EPRS1: variants seen among roughly 807,000 people sequenced by gnomAD.
The protein encoded by EPRS1 is bifunctional glutamate/proline--tRNA ligase.
EPRS1 carries 107 observed loss-of-function variants against 188.3 expected under a neutral mutation model. That is an observed-to-expected ratio of 0.57 (90% confidence interval 0.49 to 0.67). The LOEUF (loss-of-function observed/expected upper bound fraction) is 0.67. EPRS1 is among the 30% of genes least tolerant of loss of function. EPRS1 has a pLI of 0.00. For missense variants in EPRS1, 1,577 were observed against 1,802.2 expected (o/e 0.88, Z 2.26); for synonymous variants, 596 against 593.1 (o/e 1.00, Z -0.07).
chr1:219,994,592 G>A (rs1177054983), intron 18 of EPRS1, among the ~76,000 whole-genome samples: 2 of 149,296 alleles, frequency 1.3e-5, no homozygotes, highest in South Asian at 2.1e-4. Flanking sequence ...CAAGAAGTTT[G>A]TGTAATGCGA....
At chr1:220,024,489 A>C in intron 7 of EPRS1, 33 bp from the exon 8 acceptor site, 1 of 1,515,074 alleles carries the variant, frequency 6.6e-7, no homozygotes, top group Non-Finnish European at 8.9e-7. Context: ...CCATCAGTAT[A>C]TCTTTTGCAT....
In EPRS1 at chr1:220,044,681, C is replaced by CAA. The variant is rs71560597; in HGVS notation, c.46+1660_46+1661dup. Among the ~76,000 whole-genome samples, 557 of 88,268 alleles carry CAA rather than the reference C, an allele frequency of 6.3e-3. 51 individuals carry two copies. The highest frequency in any genetic ancestry group is 0.019 in the African/African-American group (450 of 24,066). The allele number at this position is 88,268 out of a possible 152,430, so 57.9% of individuals were successfully genotyped here. The stretch of plus-strand genomic sequence containing the variant: ...CAGAGGTTGCAATGAGCTCGGTCTC[C>CAA]AAAAAAAAAAAAAAAAAAAAAAAAA... On this transcript the variant is annotated intron_variant, in intron 1 of 31. Coordinates refer to ENST00000366923, the MANE Select transcript of EPRS1 (RefSeq NM_004446.3).
intron 18 of EPRS1, among the ~76,000 whole-genome samples, chr1:219,994,624 G>A (rs904447783): frequency 8.1e-5 from 12 of 148,888 alleles, no homozygotes; most frequent in Admixed American, 7.3e-4. Context: ...TCAGAAATAT[G>A]CCGTGGTAAC....
At position 219,982,869 on chromosome 1, in the gene EPRS1, T is replaced by A. The variant is rs769593742; in HGVS notation, c.3301-25A>T. ...CCTAGTAAGAAAAAATCATTTTTCA[T>A]ACTTTTTTTTCAATAGCATTTTGGA... On this transcript the variant is annotated intron_variant, in intron 22 of 31. Transcript: ENST00000366923. The A allele has an allele frequency of 4.4e-6, 7 of 1,607,318 alleles. No homozygotes were observed. In the South Asian group the frequency reaches 7.7e-5, roughly 18 times the overall value.
intron 5 of EPRS1, among the ~76,000 whole-genome samples, chr1:220,031,622 A>T (rs1018481679): frequency 6.6e-6 from 1 of 152,222 alleles, no homozygotes; most frequent in Non-Finnish European, 1.5e-5. Flanking sequence ...AGAAAACCTT[A>T]ATTAAATCAA....
intron 6 of EPRS1, among the ~76,000 whole-genome samples, chr1:220,028,536 A>G (rs918190845): frequency 2.0e-5 from 3 of 152,150 alleles, no homozygotes; most frequent in African/African-American, 4.8e-5. Context: ...GGCTTCTGCC[A>G]TATGTTAACA....
At chr1:220,044,314 G>C (rs1464966045) in intron 1 of EPRS1, among the ~76,000 whole-genome samples, 3 of 152,098 alleles carry the variant, frequency 2.0e-5, no homozygotes, top group African/African-American at 7.2e-5. Context: ...TGATATATTT[G>C]ATAACTGGCA....
chr1:220,007,450 C>T, intron 13 of EPRS1, 112 bp from the exon 14 acceptor site: 1 of 1,004,594 alleles, frequency 1.0e-6, no homozygotes, highest in Non-Finnish European at 1.5e-6. Context: ...TTCTGTGTTA[C>T]TAAACTGTTA....
intron 13 of EPRS1, among the ~76,000 whole-genome samples, chr1:220,008,102 G>A (rs1466820106): frequency 1.0e-4 from 12 of 120,582 alleles, no homozygotes; most frequent in East Asian, 2.3e-4. Context: ...GCGAGACTCC[G>A]TCACCAAAAA....
intron 2 of EPRS1, among the ~76,000 whole-genome samples, chr1:220,038,045 T>C (rs1315229576): frequency 6.6e-6 from 1 of 151,672 alleles, no homozygotes; most frequent in East Asian, 1.9e-4. Context: ...TGACTGTGTG[T>C]ATGTAGTGGC....
intron 4 of EPRS1, 22 bp downstream of exon 4, chr1:220,033,480 G>T (rs1391441913): frequency 1.3e-6 from 2 of 1,548,456 alleles, no homozygotes; most frequent in African/African-American, 1.4e-5. Context: ...TAAAACAGAG[G>T]ATTATTAAGA....
intron 13 of EPRS1, 70 bp downstream of exon 13, chr1:220,010,876 C>A: frequency 2.4e-6 from 2 of 846,362 alleles, no homozygotes; most frequent in South Asian, 1.5e-5. Flanking sequence ...CATGAAAGCA[C>A]ATTTTCCTTT....
intron 12 of EPRS1, among the ~76,000 whole-genome samples, chr1:220,011,546 A>G (rs1172870956): frequency 6.6e-6 from 1 of 152,212 alleles, no homozygotes; most frequent in Admixed American, 6.5e-5. Context: ...TCACTATAAT[A>G]AGGCAATTCT....
chr1:219,973,975 TC>T (rs1439400583), intron 28 of EPRS1, among the ~76,000 whole-genome samples: 22 of 152,102 alleles, frequency 1.4e-4, no homozygotes, highest in Admixed American at 1.3e-4. Context: ...AGACAGAGTC[TC>T]ACTGTTGACC....
chr1:220,003,965 C>T (rs563307165), intron 16 of EPRS1, among the ~76,000 whole-genome samples: 36 of 152,272 alleles, frequency 2.4e-4, no homozygotes, highest in African/African-American at 6.0e-4. Context: ...GCTCAAGAGA[C>T]GCCGTAACAT....
At chr1:220,031,645 C>T (rs556323254) in intron 5 of EPRS1, among the ~76,000 whole-genome samples, 3 of 152,322 alleles carry the variant, frequency 2.0e-5, no homozygotes, top group African/African-American at 7.2e-5. Context: ...CTTTACAACA[C>T]ATTCCTAAAG....
intron 28 of EPRS1, among the ~76,000 whole-genome samples, chr1:219,974,928 T>C (rs1303579007): frequency 1.3e-5 from 2 of 152,120 alleles, no homozygotes; most frequent in Non-Finnish European, 2.9e-5. Flanking sequence ...GAGAGAATAT[T>C]CCTCAGCTGG....
At chr1:219,970,842 A>G (rs1423507217) in intron 30 of EPRS1, among the ~76,000 whole-genome samples, 1 of 151,992 alleles carries the variant, frequency 6.6e-6, no homozygotes, top group African/African-American at 2.4e-5. Flanking sequence ...AAGGTGAAAA[A>G]TTACAAAAGC....
chr1:220,021,944 T>G (rs1661885123), intron 9 of EPRS1, among the ~76,000 whole-genome samples: 1 of 152,164 alleles, frequency 6.6e-6, no homozygotes, highest in East Asian at 1.9e-4. Flanking sequence ...TAAACACATG[T>G]TACTCTCCTG....
Sources: gnomAD v4.1 joint callset for allele counts (sites outside exome capture counted in the v4.1 genomes callset) on GRCh38, gnomAD v4.1.1 for gene constraint, MANE v1.5 for transcripts, NCBI Gene and HGNC (gene_info 2026-07-23, HGNC 2026-07-21) for gene names.